Variants in KLC4 observed in about 807,000 individuals in gnomAD.
KLC4 encodes kinesin light chain 4, also known as kinesin-like protein 8.
KLC4 carries 49 observed loss-of-function variants against 77.2 expected under a neutral mutation model. That is an observed-to-expected ratio of 0.63 (90% CI 0.50 to 0.80). The LOEUF (loss-of-function observed/expected upper bound fraction) is 0.80. KLC4 is among the 30% of genes least tolerant of loss of function. KLC4 has a pLI of 0.00. For synonymous variants in KLC4, 274 were observed against 314.5 expected (o/e 0.87, Z 1.36); for missense variants, 669 against 793.5 (o/e 0.84, Z 1.89).
chr6:43,063,748 T>G (rs935564657), intron 3 of KLC4, among the ~76,000 whole-genome samples: 5 of 150,696 alleles, frequency 3.3e-5, no homozygotes, highest in African/African-American at 1.2e-4. Flanking sequence ...GAGACGGGGT[T>G]TCACCATGTT....
Position 43,070,683 on chromosome 6 carries a change from C to T in KLC4, c.982-9C>T. Reference sequence around the variant, plus strand: ...ATAGCCATTTATCCACTCCTTTGTTCCCTTTCAGGTCCTGGGCACGAATCA... The same window carrying T: ...ATAGCCATTTATCCACTCCTTTGTTTCCTTTCAGGTCCTGGGCACGAATCA... On this transcript the variant is annotated splice_polypyrimidine_tract_variant and intron_variant, in intron 7 of 15. Coordinates refer to ENST00000347162, the MANE Select transcript of KLC4 (RefSeq NM_201521.3). The T allele has an allele frequency of 6.2e-7, 1 of 1,608,518 alleles. No individual in the cohort carries two copies. The highest frequency in any genetic ancestry group is 2.2e-5 in the East Asian group (1 of 44,650).
intron 1 of KLC4, chr6:43,060,570 T>G: frequency 4.1e-6 from 5 of 1,228,184 alleles, no homozygotes; most frequent in Non-Finnish European, 5.2e-6. Flanking sequence ...TGCTCTGGCC[T>G]GAGTGCCACA....
intron 6 of KLC4, among the ~76,000 whole-genome samples, chr6:43,068,139 A>T (rs112762369): frequency 0.19 from 24,852 of 128,582 alleles, 4,316 homozygotes; most frequent in African/African-American, 0.45. Flanking sequence ...AAAAAAAAAA[A>T]GAAAATATAG....
chr6:43,060,379 T>G, intron 1 of KLC4: 1 of 1,431,948 alleles, frequency 7.0e-7, no homozygotes, highest in Non-Finnish European at 9.4e-7. Context: ...AGACGGGAAT[T>G]GGGCGTCTTT....
intron 1 of KLC4, chr6:43,061,027 C>T: frequency 2.6e-6 from 1 of 388,358 alleles, no homozygotes; most frequent in Non-Finnish European, 4.7e-6. Context: ...CTTTTTTGTT[C>T]TTTTCCTAAG....
Position 43,071,344 on chromosome 6 carries a change from G to A in KLC4, c.1225G>A (p.Ala409Thr). The change falls in exon 9 of 16, where the codon GCC becomes ACC. Residue 409 changes from alanine to threonine, a missense_variant. By Grantham distance (58) the Ala-to-Thr change is moderately conservative. Transcript: ENST00000347162. ...ETLYKEILTR[A>T]HVQEFGSVDD... ...ACTATACAAAGAGATCCTGACCCGT[G>A]CCCATGTACAGGAGTTTGGGTCTGT... The A allele has an allele frequency of 6.2e-7, 1 of 1,613,882 alleles. No homozygotes were observed. The highest frequency in any genetic ancestry group is 1.1e-5 in the South Asian group (1 of 91,076).
Position 43,063,151 on chromosome 6 carries a change from A to G in KLC4, c.489+4A>G. 1 of 1,607,486 alleles carries G rather than the reference A, an allele frequency of 6.2e-7. No homozygotes were observed. Among genetic ancestry groups the G allele is most frequent in the Non-Finnish European group, 8.5e-7 (1 of 1,174,606 alleles). ...TGATGAGGATGGACATACCTCGGTG[A>G]GTGTGCACAGGCGAGACTGGCTGAG... On this transcript the variant is annotated splice_donor_region_variant and intron_variant, in intron 3 of 15. Transcript: ENST00000347162.
intron 1 of KLC4, chr6:43,060,360 T>A (rs753855003): frequency 2.0e-6 from 3 of 1,524,624 alleles, no homozygotes; most frequent in Admixed American, 3.6e-5. Flanking sequence ...GAGGCTGGCT[T>A]GGGGAAGGAG....
intron 4 of KLC4, 67 bp from the exon 5 acceptor site, chr6:43,066,239 G>C: frequency 7.7e-7 from 1 of 1,301,926 alleles, no homozygotes; most frequent in Non-Finnish European, 1.1e-6. Context: ...ACATGCAATG[G>C]GGAGTGGAAG....
At position 43,071,620 on chromosome 6, in the gene KLC4, G is replaced by T; in HGVS notation, c.1308+1G>T. On this transcript the variant is annotated splice_donor_variant, in intron 10 of 15. Transcript: ENST00000347162. LOFTEE classifies it high-confidence loss of function. ...AGAGGAGCGGGAGGAAATGAGCAAA[G>T]TGAGTGGGGGGAAGGGGGGCCAGCC... The T allele has an allele frequency of 6.2e-7, 1 of 1,613,546 alleles. No individual in the cohort carries two copies. The highest frequency in any genetic ancestry group is 8.5e-7 in the Non-Finnish European group (1 of 1,179,824).
intron 7 of KLC4, 83 bp from the exon 8 acceptor site, chr6:43,070,609 T>C (rs1257711171): frequency 1.3e-6 from 2 of 1,484,970 alleles, no homozygotes; most frequent in Non-Finnish European, 1.9e-6. Flanking sequence ...TTTCCACATG[T>C]GTGTGCCTAC....
At chr6:43,071,185 G>A in intron 8 of KLC4, 90 bp from the exon 9 acceptor site, 1 of 764,818 alleles carries the variant, frequency 1.3e-6, no homozygotes. Context: ...CCCTGAGCCT[G>A]GTGAAGACCT....
At chr6:43,060,708 A>C in intron 1 of KLC4, 1 of 839,782 alleles carries the variant, frequency 1.2e-6, no homozygotes, top group South Asian at 3.2e-5. Context: ...TAGTGGGAAA[A>C]TATGCAGGGC....
chr6:43,070,105 AAAAAAAG>A (rs1474419153), intron 6 of KLC4, among the ~76,000 whole-genome samples: 136 of 140,856 alleles, frequency 9.7e-4, no homozygotes, highest in African/African-American at 3.9e-3. Flanking sequence ...CAAAAAAAAA[AAAAAAAG>A]AAAGAAAAAA....
Position 43,066,369 on chromosome 6 carries a change from G to C in KLC4, c.635G>C (p.Arg212Pro). The C allele has an allele frequency of 6.2e-7, 1 of 1,614,154 alleles. No individual in the cohort carries two copies. Among genetic ancestry groups the C allele is most frequent in the Non-Finnish European group, 8.5e-7 (1 of 1,180,024 alleles). Residue 212 changes from arginine (R) to proline (P), a missense_variant, in exon 5 of 16, where the codon CGG (arginine) becomes CCG (proline). Coordinates refer to ENST00000347162, the MANE Select transcript of KLC4 (RefSeq NM_201521.3). ...GGATATGAGATCCCAGCAAGGTTGC[G>C]GACGTTGCACAACCTGGTGATCCAG... ...QGGYEIPARL[R>P]TLHNLVIQYA... is the part of the protein sequence containing the mutation.
rs1362657139 is a variant in KLC4, at chr6:43,070,692, G to A, written c.982G>A (p.Val328Ile). 4 of 1,610,420 alleles carry A rather than the reference G, an allele frequency of 2.5e-6. No homozygotes were observed. Among genetic ancestry groups the A allele is most frequent in the Non-Finnish European group, 3.4e-6 (4 of 1,177,070 alleles). Reference sequence around the variant, plus strand: ...TATCCACTCCTTTGTTCCCTTTCAGGTCCTGGGCACGAATCATCCAGATGT... The same window carrying A: ...TATCCACTCCTTTGTTCCCTTTCAGATCCTGGGCACGAATCATCCAGATGT... ...CQRALEIREK[V>I]LGTNHPDVAK... is the part of the protein sequence containing the mutation. The change falls in exon 8 of 16, where the codon GTC (valine) becomes ATC (isoleucine). Residue 328 changes from valine to isoleucine, a missense_variant and splice_region_variant. By Grantham distance (29) the Val-to-Ile change is conservative. Transcript: ENST00000347162.
chr6:43,074,873 G>C lies in KLC4; in HGVS notation c.*201G>C. On this transcript the variant is annotated 3_prime_UTR_variant, in exon 16 of 16. Transcript: ENST00000347162. ...GAAGGACCCTCAGGACACCCTCTCT[G>C]CACCCTGTGGTCCTCTAGAGTAGCT... The C allele has an allele frequency of 3.4e-6, 2 of 593,490 alleles. No homozygotes were observed. Among genetic ancestry groups the C allele is most frequent in the Middle Eastern group, 4.5e-4 (1 of 2,202 alleles). 36.8% of individuals were successfully genotyped at this position (593,490 alleles called of 1,614,324 possible). A position where few individuals can be genotyped will look rare whatever the true frequency, so the allele number is the denominator to read the frequency against.
rs1033630760 is a variant in KLC4 at position 43,065,683 on chromosome 6, G to T, written c.553G>T (p.Glu185Ter). The change falls in exon 4 of 16, where the codon GAG (glutamate) becomes TAG (stop). Residue 185 changes from glutamate to a stop codon, truncating the protein, a stop_gained. Transcript: ENST00000347162. LOFTEE classifies it high-confidence loss of function. ...LDDLFPNEEE[E>*]DPSNGLSRGQ... is the part of the protein sequence containing the mutation. ...TGACCTCTTTCCTAATGAGGAGGAAGAGGACCCCAGCAATGGCTGTGAGTC... is the reference window on the plus strand; with the variant it reads ...TGACCTCTTTCCTAATGAGGAGGAATAGGACCCCAGCAATGGCTGTGAGTC... 1.5e-5 allele frequency: 25 copies of T among 1,613,338 alleles called. No individual in the cohort carries two copies. Among genetic ancestry groups the T allele is most frequent in the Non-Finnish European group, 2.1e-5 (25 of 1,179,524 alleles).
intron 1 of KLC4, 192 bp from the exon 2 acceptor site, chr6:43,061,119 C>A (rs1161487917): frequency 3.3e-6 from 2 of 609,944 alleles, no homozygotes; most frequent in Non-Finnish European, 5.8e-6. Flanking sequence ...CTCCCTCTCG[C>A]TTTGCCCACA....
Sources: allele counts gnomAD v4.1 joint callset (sites outside exome capture counted in the v4.1 genomes callset), GRCh38; gene constraint gnomAD v4.1.1; transcripts MANE v1.5; gene names NCBI Gene and HGNC (gene_info 2026-07-23, HGNC 2026-07-21).